Variants in GRIK4 observed in about 807,000 individuals in gnomAD.
GRIK4 encodes glutamate ionotropic receptor kainate type subunit 4.
In GRIK4, 40 loss-of-function variants were observed where a neutral mutation model predicts 104.9. That is an observed-to-expected ratio of 0.38 (90% CI 0.30 to 0.50). GRIK4 has a LOEUF of 0.50. Ranked by LOEUF, GRIK4 falls within the 20% of genes least tolerant of loss-of-function variation. The pLI is 0.93. For synonymous variants in GRIK4, 485 were observed against 524.9 expected (o/e 0.92, Z 1.04); for missense variants, 1,047 against 1,308.1 (o/e 0.80, Z 3.08).
At chr11:120,930,595 G>A (rs1286513993) in intron 13 of GRIK4, among the ~76,000 whole-genome samples, 1 of 152,222 alleles carries the variant, frequency 6.6e-6, no homozygotes, top group Non-Finnish European at 1.5e-5. Context: ...ATGCCATGGT[G>A]GGTGGCATGA....
intron 1 of GRIK4, among the ~76,000 whole-genome samples, chr11:120,546,176 A>T (rs1264464968): frequency 6.6e-6 from 1 of 152,124 alleles, no homozygotes; most frequent in Non-Finnish European, 1.5e-5. Context: ...AGGAGATTTT[A>T]GCAGCAGGGA....
chr11:120,652,752 C>A (rs1250623233), intron 1 of GRIK4, among the ~76,000 whole-genome samples: 1 of 152,154 alleles, frequency 6.6e-6, no homozygotes, highest in Non-Finnish European at 1.5e-5. Flanking sequence ...GGCTATCAGC[C>A]TCCTCTCTGA....
chr11:120,521,852 G>T (rs566796500), intron 1 of GRIK4, among the ~76,000 whole-genome samples: 1 of 152,130 alleles, frequency 6.6e-6, no homozygotes, highest in African/African-American at 2.4e-5. Context: ...TATCTCCCGC[G>T]GGTGGTTATC....
At chr11:120,835,636 C>T (rs1369095278) in intron 7 of GRIK4, among the ~76,000 whole-genome samples, 1 of 152,164 alleles carries the variant, frequency 6.6e-6, no homozygotes, top group Non-Finnish European at 1.5e-5. Context: ...TCTGGTTTCT[C>T]CTCCATCCAC....
chr11:120,573,083 C>G (rs577011296), intron 1 of GRIK4, among the ~76,000 whole-genome samples: 1 of 152,242 alleles, frequency 6.6e-6, no homozygotes, highest in African/African-American at 2.4e-5. Flanking sequence ...GAAGTGTTCT[C>G]TTGTGGATTG....
intron 3 of GRIK4, among the ~76,000 whole-genome samples, chr11:120,722,601 C>T (rs74836240): frequency 0.036 from 5,267 of 146,692 alleles, 112 homozygotes; most frequent in East Asian, 0.095. Flanking sequence ...CGTGACAAAG[C>T]GAGACTCCAT....
intron 1 of GRIK4, among the ~76,000 whole-genome samples, chr11:120,608,318 C>T (rs532932159): frequency 1.5e-4 from 23 of 152,300 alleles, no homozygotes; most frequent in South Asian, 1.2e-3. Flanking sequence ...GAGACCCCAT[C>T]TATACAAAAA....
chr11:120,666,762 C>T (rs756670298), intron 3 of GRIK4, among the ~76,000 whole-genome samples: 1 of 152,134 alleles, frequency 6.6e-6, no homozygotes, highest in Non-Finnish European at 1.5e-5. Context: ...GATCGAGCAG[C>T]GTGGCCAGTG....
At chr11:120,554,154 A>C (rs2136097519) in intron 1 of GRIK4, among the ~76,000 whole-genome samples, 1 of 152,196 alleles carries the variant, frequency 6.6e-6, no homozygotes, top group African/African-American at 2.4e-5. Context: ...AGTGAAAGGC[A>C]GATGAATAGA....
chr11:120,717,494 C>T (rs1437619381), intron 3 of GRIK4, among the ~76,000 whole-genome samples: 2 of 151,918 alleles, frequency 1.3e-5, no homozygotes, highest in Non-Finnish European at 2.9e-5. Flanking sequence ...ATCCTGCCAA[C>T]ACACATGTCC....
intron 13 of GRIK4, among the ~76,000 whole-genome samples, chr11:120,933,675 G>T (rs1013337860): frequency 5.9e-5 from 9 of 152,110 alleles, no homozygotes; most frequent in Admixed American, 5.9e-4. Flanking sequence ...GATTTATAAG[G>T]CTCTTCTACA....
At position 120,903,287 on chromosome 11, in the gene GRIK4, G is replaced by A. The variant is rs1007929807; in HGVS notation, c.1273-2003G>A. Reference sequence around the variant, plus strand: ...AGCCCAGCTCTCCTCTGTCCCTGTCGCATCCCCTGAGCGGCTCTGCTGAAA... The same window carrying A: ...AGCCCAGCTCTCCTCTGTCCCTGTCACATCCCCTGAGCGGCTCTGCTGAAA... On this transcript the variant is annotated intron_variant, in intron 12 of 20. Coordinates refer to ENST00000527524, the MANE Select transcript of GRIK4 (RefSeq NM_014619.5). The surrounding 1 kb of genome is among the most constrained non-coding windows in gnomAD (Gnocchi z 4.4). 2.6e-5 allele frequency among the ~76,000 whole-genome samples: 4 copies of A among 151,978 alleles called. No individual in the cohort carries two copies. Among genetic ancestry groups the A allele is most frequent in the Admixed American group, 6.6e-5 (1 of 15,256 alleles).
chr11:120,750,104 G>A (rs1951520250), intron 3 of GRIK4, among the ~76,000 whole-genome samples: 2 of 151,998 alleles, frequency 1.3e-5, no homozygotes, highest in African/African-American at 4.8e-5. Context: ...GTGACTTGCT[G>A]GAGTTCACAG....
chr11:120,984,699 G>A (rs1944709026), intron 20 of GRIK4, among the ~76,000 whole-genome samples: 6 of 151,898 alleles, frequency 4.0e-5, no homozygotes, highest in Admixed American at 3.9e-4. Context: ...AACCCAGGAG[G>A]TGGAGGTTGC....
At chr11:120,757,515 T>TAGC (rs1316037081) in intron 3 of GRIK4, among the ~76,000 whole-genome samples, 2 of 152,202 alleles carry the variant, frequency 1.3e-5, no homozygotes, top group African/African-American at 4.8e-5. Context: ...GAGGGCTCAG[T>TAGC]AGCCATTAAT....
At chr11:120,587,894 G>A (rs558086265) in intron 1 of GRIK4, among the ~76,000 whole-genome samples, 6 of 152,306 alleles carry the variant, frequency 3.9e-5, no homozygotes, top group Admixed American at 2.0e-4. Context: ...TGCCACTGCC[G>A]GAGCAACTAG....
Position 120,967,425 on chromosome 11 carries a change from T to C in GRIK4, c.2395+102T>C. Reference sequence around the variant, plus strand: ...ACACATAATGACTTGTAGGACCCATTGAGAACGGCCTTGGAAGGAACCTAG... The same window carrying C: ...ACACATAATGACTTGTAGGACCCATCGAGAACGGCCTTGGAAGGAACCTAG... On this transcript the variant is annotated intron_variant, in intron 19 of 20. Transcript: ENST00000527524. The surrounding 1 kb of genome is among the most constrained non-coding windows in gnomAD (Gnocchi z 4.2). The C allele has an allele frequency of 7.7e-7, 1 of 1,294,846 alleles. No homozygotes were observed. Among genetic ancestry groups the C allele is most frequent in the South Asian group, 1.5e-5 (1 of 65,920 alleles). The allele number at this position is 1,294,846 out of a possible 1,614,324, so 80.2% of individuals were successfully genotyped here. A position where few individuals can be genotyped will look rare whatever the true frequency, so the allele number is the denominator to read the frequency against.
intron 1 of GRIK4, among the ~76,000 whole-genome samples, chr11:120,520,982 G>A (rs925680339): frequency 6.6e-6 from 1 of 152,128 alleles, no homozygotes; most frequent in Non-Finnish European, 1.5e-5. Context: ...GGCGGGGCAC[G>A]GGATATGCAG....
At chr11:120,751,098 A>G (rs1032868458) in intron 3 of GRIK4, among the ~76,000 whole-genome samples, 2 of 152,114 alleles carry the variant, frequency 1.3e-5, no homozygotes, top group African/African-American at 4.8e-5. Context: ...TGAGAAGCGC[A>G]GTAGAGAGGG....
Sources: allele counts gnomAD v4.1 joint callset (sites outside exome capture counted in the v4.1 genomes callset), GRCh38; gene constraint gnomAD v4.1.1; non-coding constraint Gnocchi (gnomAD v3.1); transcripts MANE v1.5; gene names NCBI Gene and HGNC (gene_info 2026-07-23, HGNC 2026-07-21).